The following ZNF556 variants were observed in gnomAD, a reference collection of about 807,000 sequenced individuals.
ZNF556 encodes zinc finger protein 556.
A neutral mutation model predicts 13.6 loss-of-function variants in ZNF556; 11 were observed. The ratio of observed to expected loss-of-function variants is 0.81; its 90% CI spans 0.51 to 1.33. The LOEUF is 1.33. Among genes scored for constraint, ZNF556 ranks in the 40% most tolerant of loss-of-function variants. The pLI is 0.00. For missense variants in ZNF556, 633 were observed against 566.2 expected, an observed-to-expected ratio of 1.12 and a Z score of -1.20; for synonymous variants, 229 against 207.8, an observed-to-expected ratio of 1.10 and a Z score of -0.88.
At chr19:2,872,818 C>CAAAA (rs770269518) in intron 1 of ZNF556, among the ~76,000 whole-genome samples, 1 of 75,060 alleles carries the variant, frequency 1.3e-5, no homozygotes, top group Non-Finnish European at 2.9e-5. Flanking sequence ...GACTCCATCT[C>CAAAA]AAAAAAAAAA....
rs527297837 is a variant in ZNF556 at position 2,879,963 on chromosome 19, A to C, written c.*1634A>C. ...GAGGATGGCGTGAACCTGGGAGGCG[A>C]AGCTTGCAGTGAGCTGGAATCGTGC... On this transcript the variant is annotated 3_prime_UTR_variant, in exon 4 of 4. Transcript: ENST00000307635. 1 of 151,996 alleles carries C rather than the reference A, an allele frequency of 6.6e-6. No homozygotes were observed. Among genetic ancestry groups the C allele is most frequent in the Non-Finnish European group, 1.5e-5 (1 of 68,042 alleles). 9.4% of individuals were successfully genotyped at this position (151,996 alleles called of 1,614,324 possible). A position where few individuals can be genotyped will look rare whatever the true frequency, so the allele number is the denominator to read the frequency against.
In ZNF556 at chr19:2,876,321, G is replaced by A. The variant is rs967442322; in HGVS notation, c.314+45G>A. The A allele has an allele frequency of 7.2e-6, 11 of 1,521,462 alleles. No individual in the cohort carries two copies. In the African/African-American group the frequency reaches 1.3e-4, roughly 18 times the overall value. 94.2% of individuals were successfully genotyped at this position (1,521,462 alleles called of 1,614,324 possible). A position where few individuals can be genotyped will look rare whatever the true frequency, so the allele number is the denominator to read the frequency against. ...AAAAGGCAGTATCGCCAGGCACGGT[G>A]GCTCATGCCTGTAATCCCAGCACTT... On this transcript the variant is annotated intron_variant, in intron 3 of 3. Transcript: ENST00000307635.
At chr19:2,872,876 T>C (rs2087816756) in intron 1 of ZNF556, among the ~76,000 whole-genome samples, 1 of 151,366 alleles carries the variant, frequency 6.6e-6, no homozygotes, top group Non-Finnish European at 1.5e-5. Context: ...CTCACGCCTG[T>C]AATCCCAGCA....
At chr19:2,876,416 C>T (rs1467598180) in intron 3 of ZNF556, 140 bp downstream of exon 3, 2 of 789,000 alleles carry the variant, frequency 2.5e-6, no homozygotes, top group Non-Finnish European at 3.8e-6. Flanking sequence ...ATGGTGAAAC[C>T]TTGTCTCTAC....
At chr19:2,871,341 C>T (rs1568351998) in intron 1 of ZNF556, among the ~76,000 whole-genome samples, 2 of 152,120 alleles carry the variant, frequency 1.3e-5, no homozygotes, top group African/African-American at 2.4e-5. Flanking sequence ...CATGAAGAAT[C>T]AAAAAGAACC....
Position 2,877,734 on chromosome 19 carries a change from A to G in ZNF556, c.776A>G (p.Tyr259Cys). Residue 259 changes from tyrosine to cysteine, a missense_variant, in exon 4 of 4, where the codon TAT becomes TGT. Transcript: ENST00000307635. ...HVMMHAGGRP[Y>C]ECKHCGKAFR... The stretch of plus-strand genomic sequence containing the variant: ...ATGATGCACGCCGGAGGGAGACCGT[A>G]TGAGTGCAAGCACTGTGGGAAAGCC... The G allele has an allele frequency of 6.2e-7, 1 of 1,613,510 alleles. No individual in the cohort carries two copies. The highest frequency in any genetic ancestry group is 8.5e-7 in the Non-Finnish European group (1 of 1,179,706).
chr19:2,875,973 T>C (rs1295945056), intron 2 of ZNF556, 120 bp from the exon 3 acceptor site: 1 of 919,012 alleles, frequency 1.1e-6, no homozygotes, highest in East Asian at 3.1e-5. Flanking sequence ...CAAAAATAAA[T>C]AAATAAATAG....
chr19:2,876,409 G>T, intron 3 of ZNF556, 133 bp downstream of exon 3: 1 of 856,610 alleles, frequency 1.2e-6, no homozygotes, highest in Non-Finnish European at 1.7e-6. Context: ...GACCCATATG[G>T]TGAAACCTTG....
Position 2,876,157 on chromosome 19 carries a change from A to T in ZNF556, c.195A>T (p.Leu65Phe). 6.2e-7 allele frequency: 1 copy of T among 1,612,944 alleles called. No individual in the cohort carries two copies. The highest frequency in any genetic ancestry group is 8.5e-7 in the Non-Finnish European group (1 of 1,179,696). The stretch of plus-strand genomic sequence containing the variant: ...AGCAGGATACTTCTGGAGAAAAATT[A>T]TCCCTCAAACAGAAAATAGAAAAGT... ...ISQQDTSGEKLSLKQKIEKFT... is the reference protein window; with the variant it reads ...ISQQDTSGEKFSLKQKIEKFT... Residue 65 changes from leucine (L) to phenylalanine (F), a missense_variant, in exon 3 of 4, where the codon TTA (leucine) becomes TTT (phenylalanine). Physicochemically the swap from Leu to Phe is conservative, Grantham distance 22 (BLOSUM62 0). Transcript: ENST00000307635.
At chr19:2,873,464 ATCCTCATG>A in intron 1 of ZNF556, 24 bp from the exon 2 acceptor site, 3 of 1,610,806 alleles carry the variant, frequency 1.9e-6, no homozygotes, top group Non-Finnish European at 2.5e-6. Context: ...GTTTTACCCC[ATCCTCATG>A]TACACATATG....
chr19:2,872,767 C>T (rs111252505), intron 1 of ZNF556, among the ~76,000 whole-genome samples: 1,972 of 146,192 alleles, frequency 0.013, 61 homozygotes, highest in African/African-American at 0.048. Context: ...TGCAATGAGC[C>T]GGGATCGCGC....
intron 2 of ZNF556, among the ~76,000 whole-genome samples, chr19:2,874,013 T>C (rs1001605299): frequency 6.6e-6 from 1 of 151,782 alleles, no homozygotes; most frequent in Non-Finnish European, 1.5e-5. Flanking sequence ...TCTCAGCACT[T>C]TGGGAGGCCA....
At position 2,881,629 on chromosome 19, in the gene ZNF556, G is replaced by C. The variant is rs968911821; in HGVS notation, c.*3300G>C. The C allele has an allele frequency of 6.6e-6, 1 of 151,802 alleles. No homozygotes were observed. The highest frequency in any genetic ancestry group is 1.5e-5 in the Non-Finnish European group (1 of 67,970). The allele number at this position is 151,802 out of a possible 1,614,324, so 9.4% of individuals were successfully genotyped here. ...TAATATCAAGGCAGAATAAAGTATA[G>C]TATCAAACTTGACAAGGTAGATAAT... On this transcript the variant is annotated 3_prime_UTR_variant, in exon 4 of 4. Coordinates refer to ENST00000307635, the MANE Select transcript of ZNF556 (RefSeq NM_024967.3).
Position 2,878,161 on chromosome 19 carries a change from C to T in ZNF556, c.1203C>T (p.Ala401=). Residue 401 remains alanine (A), a synonymous_variant, in exon 4 of 4, where the codon GCC becomes GCT. Coordinates refer to ENST00000307635, the MANE Select transcript of ZNF556 (RefSeq NM_024967.3). Reference sequence around the variant, plus strand: ...CTGGGGAGAAACCTGTAAATGCAGCCAGTGTGGGAAAACCTTCAGGCGGGC... The same window carrying T: ...CTGGGGAGAAACCTGTAAATGCAGCTAGTGTGGGAAAACCTTCAGGCGGGC... The part of the protein sequence containing the change: ...KHTGEKPVNA[A]SVGKPSGGLC... The T allele has an allele frequency of 1.9e-6, 3 of 1,614,090 alleles. No homozygotes were observed. The highest frequency in any genetic ancestry group is 1.7e-6 in the Non-Finnish European group (2 of 1,180,018).
At chr19:2,867,503 T>C in intron 1 of ZNF556, 79 bp downstream of exon 1, 1 of 1,553,324 alleles carries the variant, frequency 6.4e-7, no homozygotes, top group Non-Finnish European at 8.7e-7. Flanking sequence ...ACGCTGAAAC[T>C]CCCGGGGGAG....
chr19:2,874,738 T>C (rs560670485), intron 2 of ZNF556, among the ~76,000 whole-genome samples: 166 of 98,410 alleles, frequency 1.7e-3, no homozygotes, highest in South Asian at 0.014. Context: ...AGTAAGACTC[T>C]GTCTCAAAAA....
rs899623976 is a variant in ZNF556 at position 2,881,574 on chromosome 19, T to C, written c.*3245T>C. The C allele has an allele frequency of 6.7e-6, 1 of 149,012 alleles. No homozygotes were observed. Among genetic ancestry groups the C allele is most frequent in the African/African-American group, 2.5e-5 (1 of 40,348 alleles). 9.2% of individuals were successfully genotyped at this position (149,012 alleles called of 1,614,324 possible). On this transcript the variant is annotated 3_prime_UTR_variant, in exon 4 of 4. Coordinates refer to ENST00000307635, the MANE Select transcript of ZNF556 (RefSeq NM_024967.3). ...CCTGGGCGACAAGAGTAAGACTCCATCTCAAAAAAAAAAAAATTTTTTTTT... is the reference window on the plus strand; with the variant it reads ...CCTGGGCGACAAGAGTAAGACTCCACCTCAAAAAAAAAAAAATTTTTTTTT...
chr19:2,867,729 A>C (rs561832375), intron 1 of ZNF556, among the ~76,000 whole-genome samples: 4,242 of 149,408 alleles, frequency 0.028, 201 homozygotes, highest in African/African-American at 0.086. Flanking sequence ...CAAAACAAAA[A>C]AAAAAAAAAC....
intron 1 of ZNF556, among the ~76,000 whole-genome samples, chr19:2,872,531 TACTA>T (rs1226609694): frequency 2.0e-5 from 3 of 152,180 alleles, no homozygotes; most frequent in Non-Finnish European, 2.9e-5. Context: ...GAGTAAGTAC[TACTA>T]ACTGATGATT....
Sources: gnomAD v4.1 joint callset for allele counts (sites outside exome capture counted in the v4.1 genomes callset) on GRCh38, gnomAD v4.1.1 for gene constraint, MANE v1.5 for transcripts, NCBI Gene and HGNC (gene_info 2026-07-23, HGNC 2026-07-21) for gene names.